PCDH9: variants seen among roughly 807,000 people sequenced by gnomAD.
The protein encoded by PCDH9 is protocadherin 9.
PCDH9 carries 24 observed loss-of-function variants against 70.6 expected under a neutral mutation model. The ratio of observed to expected loss-of-function variants is 0.34; its 90% CI spans 0.25 to 0.48. The LOEUF (loss-of-function observed/expected upper bound fraction) is 0.48, where lower values mean the gene tolerates loss of function less well. Among genes scored for constraint, PCDH9 ranks in the 20% least tolerant of loss-of-function variants. PCDH9 has a pLI of 0.99. For missense variants in PCDH9, 1,281 were observed against 1,503.6 expected, an observed-to-expected ratio of 0.85 and a Z score of 2.45; for synonymous variants, 562 against 558.5, an observed-to-expected ratio of 1.01 and a Z score of -0.09.
intron 4 of PCDH9, among the ~76,000 whole-genome samples, chr13:66,328,034 A>T (rs1206127893): frequency 1.3e-5 from 2 of 152,202 alleles, no homozygotes; most frequent in African/African-American, 4.8e-5. Context: ...CATAAATAAA[A>T]TATCACTAAC....
intron 3 of PCDH9, among the ~76,000 whole-genome samples, chr13:66,646,803 G>T (rs904318948): frequency 6.6e-6 from 1 of 152,118 alleles, no homozygotes; most frequent in South Asian, 2.1e-4. Context: ...GTTGAAGAGG[G>T]GTAGAAAAGA....
chr13:66,843,749 C>A (rs2081156207), intron 3 of PCDH9, among the ~76,000 whole-genome samples: 2 of 152,136 alleles, frequency 1.3e-5, no homozygotes, highest in Non-Finnish European at 2.9e-5. Context: ...ACTTCTGGGG[C>A]CCCATAGCAA....
intron 2 of PCDH9, among the ~76,000 whole-genome samples, chr13:67,049,551 C>A (rs985761207): frequency 6.6e-5 from 10 of 152,248 alleles, no homozygotes; most frequent in Admixed American, 4.6e-4. Context: ...ATGTATATAT[C>A]AAGAACTTAT....
intron 2 of PCDH9, among the ~76,000 whole-genome samples, chr13:67,036,360 C>T (rs260152): frequency 0.29 from 43,642 of 151,984 alleles, 6,709 homozygotes; most frequent in East Asian, 0.62. Context: ...CTACATAAAG[C>T]TCTAAACCCA....
At chr13:66,409,604 T>C (rs1429475509) in intron 4 of PCDH9, among the ~76,000 whole-genome samples, 1 of 152,186 alleles carries the variant, frequency 6.6e-6, no homozygotes, top group Admixed American at 6.5e-5. Context: ...GCACCGAAAC[T>C]AGATTTCTCC....
chr13:66,939,860 G>A (rs1460210647), intron 2 of PCDH9, among the ~76,000 whole-genome samples: 2 of 152,156 alleles, frequency 1.3e-5, no homozygotes, highest in Non-Finnish European at 2.9e-5. Flanking sequence ...TTCTAGAGCT[G>A]TGTATCAACA....
intron 3 of PCDH9, among the ~76,000 whole-genome samples, chr13:66,893,533 A>G (rs2082128595): frequency 6.6e-6 from 1 of 152,192 alleles, no homozygotes; most frequent in Non-Finnish European, 1.5e-5. Context: ...AGTTTAATCA[A>G]TACAATCAAA....
chr13:67,138,589 C>A (rs534183585), intron 2 of PCDH9, among the ~76,000 whole-genome samples: 1 of 152,132 alleles, frequency 6.6e-6, no homozygotes, highest in Non-Finnish European at 1.5e-5. Context: ...GGGCGTACCC[C>A]GAGTCACCAA....
intron 2 of PCDH9, among the ~76,000 whole-genome samples, chr13:66,958,055 T>C (rs920835606): frequency 1.3e-5 from 2 of 152,120 alleles, no homozygotes; most frequent in Admixed American, 1.3e-4. Context: ...AGAAATATGA[T>C]TGACATGTAG....
intron 2 of PCDH9, among the ~76,000 whole-genome samples, chr13:67,113,668 C>T (rs953053407): frequency 2.6e-5 from 4 of 152,124 alleles, no homozygotes; most frequent in African/African-American, 9.7e-5. Context: ...CTGCCTCAGC[C>T]TCCCGAGTAG....
intron 4 of PCDH9, among the ~76,000 whole-genome samples, chr13:66,413,862 T>C (rs977085202): frequency 6.6e-6 from 1 of 152,010 alleles, no homozygotes; most frequent in African/African-American, 2.4e-5. Context: ...CAGCAAAAAA[T>C]GTATGGCCTC....
chr13:66,762,414 G>A (rs1749023955), intron 3 of PCDH9, among the ~76,000 whole-genome samples: 1 of 151,946 alleles, frequency 6.6e-6, no homozygotes, highest in Non-Finnish European at 1.5e-5. Context: ...GTTTTACTGT[G>A]GTGGGCCCAG....
chr13:66,984,216 A>C (rs1027377886), intron 2 of PCDH9, among the ~76,000 whole-genome samples: 2 of 152,180 alleles, frequency 1.3e-5, no homozygotes, highest in Non-Finnish European at 2.9e-5. Flanking sequence ...ACTGTAACAC[A>C]AAACAGGGAA....
At chr13:67,155,675 C>G (rs1337418098) in intron 2 of PCDH9, among the ~76,000 whole-genome samples, 1 of 151,614 alleles carries the variant, frequency 6.6e-6, no homozygotes, top group Non-Finnish European at 1.5e-5. Context: ...AGCTAGATAC[C>G]CTAAAGGAAA....
At chr13:67,166,796 G>A (rs59018809) in intron 2 of PCDH9, among the ~76,000 whole-genome samples, 9,378 of 152,150 alleles carry the variant, frequency 0.062, 436 homozygotes, top group African/African-American at 0.11. Context: ...CCGTGGCTAC[G>A]GGCATTGTAC....
chr13:66,690,617 A>C (rs1262090980), intron 3 of PCDH9, among the ~76,000 whole-genome samples: 2 of 152,192 alleles, frequency 1.3e-5, no homozygotes, highest in African/African-American at 2.4e-5. Context: ...CAGAAAAGGC[A>C]ATTTTAAAAG....
intron 3 of PCDH9, among the ~76,000 whole-genome samples, chr13:66,816,139 G>T (rs9529144): frequency 0.98 from 149,996 of 152,346 alleles, 73,869 homozygotes; most frequent in East Asian, 1. Flanking sequence ...ATCATTCATG[G>T]AAACAAAGCA....
chr13:66,677,433 T>C (rs1421528416), intron 3 of PCDH9, among the ~76,000 whole-genome samples: 1 of 152,094 alleles, frequency 6.6e-6, no homozygotes, highest in African/African-American at 2.4e-5. Context: ...GCAGCTGGTA[T>C]AGTTTGGATA....
At chr13:66,379,146 G>A (rs560182123) in intron 4 of PCDH9, among the ~76,000 whole-genome samples, 1 of 152,342 alleles carries the variant, frequency 6.6e-6, no homozygotes, top group African/African-American at 2.4e-5. Flanking sequence ...TAATGGAAAA[G>A]ATGCACAGAG....
Sources: allele counts gnomAD v4.1 joint callset (sites outside exome capture counted in the v4.1 genomes callset), GRCh38; gene constraint gnomAD v4.1.1; transcripts MANE v1.5; gene names NCBI Gene and HGNC (gene_info 2026-07-23, HGNC 2026-07-21).